The following MYT1L variants were observed in gnomAD, a reference collection of about 807,000 sequenced individuals.
The protein encoded by MYT1L is myelin transcription factor 1 like.
Under a neutral mutation model 126.7 loss-of-function variants are expected in MYT1L, and 12 were observed. The ratio of observed to expected loss-of-function variants is 0.09; its 90% CI spans 0.06 to 0.15. The LOEUF (loss-of-function observed/expected upper bound fraction) is 0.15. Among genes scored for constraint, MYT1L ranks in the 10% least tolerant of loss-of-function variants. The probability of loss-of-function intolerance (pLI) is 1.00; values close to 1 mark genes in which losing one functional copy is unlikely to be tolerated. For synonymous variants in MYT1L, 541 were observed against 604.2 expected (o/e 0.90, Z 1.53); for missense variants, 979 against 1,585.2 (o/e 0.62, Z 6.49).
At chr2:2,321,898 C>T (rs17039574) in intron 1 of MYT1L, among the ~76,000 whole-genome samples, 3,777 of 152,142 alleles carry the variant, frequency 0.025, 90 homozygotes, top group South Asian at 0.11. Flanking sequence ...ATATTGAGTC[C>T]TAAAGTTCTT....
Position 2,236,353 on chromosome 2 carries a change from C to A in MYT1L, c.-421+48051G>T, listed in dbSNP as rs1445886264. On this transcript the variant is annotated intron_variant, in intron 2 of 24. Coordinates refer to ENST00000647738, the MANE Select transcript of MYT1L (RefSeq NM_001303052.2). ...ACATGCCAACCCAACCCAGTACATC[C>A]CAACCCACCCCAGTACATCCCAACC... 3.5e-5 allele frequency among the ~76,000 whole-genome samples: 5 copies of A among 143,634 alleles called. No individual in the cohort carries two copies. The East Asian group carries it at 6.9e-4, about 20-fold the overall frequency. The allele number at this position is 143,634 out of a possible 152,430, so 94.2% of individuals were successfully genotyped here.
chr2:1,881,904 C>T (rs949360848), intron 18 of MYT1L, among the ~76,000 whole-genome samples: 4 of 152,112 alleles, frequency 2.6e-5, no homozygotes, highest in South Asian at 2.1e-4. Flanking sequence ...AGGCATGAAG[C>T]GTGGGGAAGA....
chr2:1,849,652 T>C (rs2042960597), intron 19 of MYT1L, among the ~76,000 whole-genome samples: 1 of 152,262 alleles, frequency 6.6e-6, no homozygotes. Flanking sequence ...AACAGCCATC[T>C]GCCCCCACTT....
At chr2:2,262,486 G>A (rs2094996201) in intron 2 of MYT1L, among the ~76,000 whole-genome samples, 1 of 151,958 alleles carries the variant, frequency 6.6e-6, no homozygotes, top group Middle Eastern at 3.4e-3. Flanking sequence ...AGGTCAGGAG[G>A]TCGAGACCAT....
intron 9 of MYT1L, among the ~76,000 whole-genome samples, chr2:1,940,090 G>A (rs1413026050): frequency 1.3e-5 from 2 of 152,262 alleles, no homozygotes; most frequent in African/African-American, 4.8e-5. Flanking sequence ...ATTCTCATGA[G>A]AGGCTCTCTG....
intron 3 of MYT1L, among the ~76,000 whole-genome samples, chr2:2,093,329 T>A (rs2077088538): frequency 6.6e-6 from 1 of 150,626 alleles, no homozygotes; most frequent in Admixed American, 6.6e-5. Flanking sequence ...CGGGGGGGCT[T>A]TTTTTACTCT....
intron 1 of MYT1L, among the ~76,000 whole-genome samples, chr2:2,301,431 T>C (rs1355115233): frequency 6.6e-6 from 1 of 152,220 alleles, no homozygotes; most frequent in Admixed American, 6.5e-5. Flanking sequence ...TTTTCAGCCT[T>C]ATTATGTGTC....
At chr2:2,106,376 C>G (rs1325943045) in intron 3 of MYT1L, among the ~76,000 whole-genome samples, 1 of 152,056 alleles carries the variant, frequency 6.6e-6, no homozygotes, top group African/African-American at 2.4e-5. Context: ...CTGTAGGAGG[C>G]CGAATCACTT....
At chr2:2,295,964 GAGA>G (rs2095687259) in intron 1 of MYT1L, among the ~76,000 whole-genome samples, 1 of 151,912 alleles carries the variant, frequency 6.6e-6, no homozygotes, top group African/African-American at 2.4e-5. Context: ...GAGAAAGAGA[GAGA>G]AGAATAAAGC....
At chr2:2,022,802 T>C (rs539779776) in intron 4 of MYT1L, among the ~76,000 whole-genome samples, 41 of 152,222 alleles carry the variant, frequency 2.7e-4, no homozygotes, top group African/African-American at 9.4e-4. Context: ...AGCCTGCAAA[T>C]TGATATGGTC....
chr2:1,866,702 G>A (rs1297378481), intron 18 of MYT1L, among the ~76,000 whole-genome samples: 1 of 86,354 alleles, frequency 1.2e-5, no homozygotes. Flanking sequence ...AGAGGGAGAG[G>A]GAGGGAGAGA....
chr2:2,138,344 G>A (rs1284985156), intron 3 of MYT1L, among the ~76,000 whole-genome samples: 3 of 146,984 alleles, frequency 2.0e-5, no homozygotes, highest in African/African-American at 7.6e-5. Flanking sequence ...CCATTACTGG[G>A]TATATACCCA....
intron 1 of MYT1L, among the ~76,000 whole-genome samples, chr2:2,295,715 G>GACAGAC: frequency 7.0e-6 from 1 of 143,234 alleles, no homozygotes; most frequent in Admixed American, 6.9e-5. Context: ...CAGACAGACA[G>GACAGAC]AGAGAGAGAT....
At chr2:1,963,183 G>A (rs1229058582) in intron 8 of MYT1L, among the ~76,000 whole-genome samples, 1 of 152,224 alleles carries the variant, frequency 6.6e-6, no homozygotes, top group African/African-American at 2.4e-5. Context: ...ATCTCCACCA[G>A]TGCTCTTGGG....
rs150366286 is a variant in MYT1L at position 2,283,527 on chromosome 2, C to A, written c.-421+877G>T. 4.5e-3 allele frequency among the ~76,000 whole-genome samples: 680 copies of A among 152,186 alleles called. 8 individuals are homozygous for A. Among genetic ancestry groups the A allele is most frequent in the Admixed American group, 0.011 (174 of 15,284 alleles). ...TGTAGCAAATAGAGGACATTGGGTC[C>A]AACAGATTGGTTTATTTCTCAGTCT... On this transcript the variant is annotated intron_variant, in intron 2 of 24. Coordinates refer to ENST00000647738, the MANE Select transcript of MYT1L (RefSeq NM_001303052.2).
At chr2:1,844,246 C>T (rs971125631) in intron 19 of MYT1L, among the ~76,000 whole-genome samples, 3 of 152,114 alleles carry the variant, frequency 2.0e-5, no homozygotes, top group African/African-American at 4.8e-5. Flanking sequence ...GAGTCCAGGG[C>T]CCCCCGCAGC....
At chr2:2,007,061 A>C (rs2063404006) in intron 4 of MYT1L, among the ~76,000 whole-genome samples, 1 of 151,990 alleles carries the variant, frequency 6.6e-6, no homozygotes, top group Non-Finnish European at 1.5e-5. Context: ...ATATATATAT[A>C]TATCCCCCAC....
chr2:1,980,648 A>G (rs760065107), intron 5 of MYT1L, among the ~76,000 whole-genome samples: 54 of 152,290 alleles, frequency 3.5e-4, no homozygotes, highest in Non-Finnish European at 6.5e-4. Flanking sequence ...ATACCTATTT[A>G]ATACATGAGA....
chr2:2,280,284 C>G (rs2095429302), intron 2 of MYT1L, among the ~76,000 whole-genome samples: 1 of 152,092 alleles, frequency 6.6e-6, no homozygotes, highest in Non-Finnish European at 1.5e-5. Flanking sequence ...GCATACATAC[C>G]CTGGTTGTAT....
Sources: gnomAD v4.1 joint callset for allele counts (sites outside exome capture counted in the v4.1 genomes callset) on GRCh38, gnomAD v4.1.1 for gene constraint, MANE v1.5 for transcripts, NCBI Gene and HGNC (gene_info 2026-07-23, HGNC 2026-07-21) for gene names.